Variants in IARS1 observed in about 807,000 individuals in gnomAD.
The protein encoded by IARS1 is isoleucine--tRNA ligase, cytoplasmic.
Under a neutral mutation model 168.2 loss-of-function variants are expected in IARS1, and 124 were observed. The ratio of observed to expected loss-of-function variants is 0.74; its 90% CI spans 0.64 to 0.86. IARS1 has a LOEUF of 0.86. IARS1 is among the 40% of genes least tolerant of loss of function. The probability of loss-of-function intolerance (pLI) is 0.00; values close to 1 mark genes in which losing one functional copy is unlikely to be tolerated. For missense variants in IARS1, 1,452 were observed against 1,515.8 expected, an observed-to-expected ratio of 0.96 and a Z score of 0.70; for synonymous variants, 532 against 529.4, an observed-to-expected ratio of 1.00 and a Z score of -0.07.
Position 92,287,929 on chromosome 9 carries a change from A to G in IARS1, c.277-19T>C, listed in dbSNP as rs1167670140. 2 of 1,613,370 alleles carry G rather than the reference A, an allele frequency of 1.2e-6. No individual in the cohort carries two copies. The highest frequency in any genetic ancestry group is 1.7e-5 in the Admixed American group (1 of 59,832). ...CATATTCCTGAAAATTTGTGATAAG[A>G]CTGTTACCACGCTGCCCTATGAAAA... On this transcript the variant is annotated intron_variant, in intron 3 of 33. Coordinates refer to ENST00000443024, the MANE Select transcript of IARS1 (RefSeq NM_002161.6).
intron 4 of IARS1, chr9:92,287,580 C>CAAGA: frequency 2.5e-6 from 1 of 407,372 alleles, no homozygotes; most frequent in African/African-American, 2.1e-5. Context: ...GGTGATCATG[C>CAAGA]AAGAAAGTTA....
In IARS1 at chr9:92,247,536, T is replaced by C. The variant is rs1296153343; in HGVS notation, c.2632A>G (p.Lys878Glu). The C allele has an allele frequency of 6.2e-7, 1 of 1,613,282 alleles. No homozygotes were observed. The highest frequency in any genetic ancestry group is 8.5e-7 in the Non-Finnish European group (1 of 1,179,838). The change falls in exon 26 of 34, where the codon AAA becomes GAA. Residue 878 changes from lysine (K) to glutamate (E), a missense_variant. Transcript: ENST00000443024. ...TTTTTATCTGTAGACAGTGTAACTT[T>C]TCGAACATTGAGTTCCTACAGTTAA... ...KYIIEELNVR[K>E]VTLSTDKNKY...
chr9:92,271,356 T>A (rs1833002235), intron 11 of IARS1, among the ~76,000 whole-genome samples, 177 bp downstream of exon 11: 1 of 152,178 alleles, frequency 6.6e-6, no homozygotes, highest in African/African-American at 2.4e-5. Context: ...TCAGCATGCA[T>A]CCTCTAAAGA....
chr9:92,229,129 A>C lies in IARS1; in HGVS notation c.3284-3T>G. On this transcript the variant is annotated splice_polypyrimidine_tract_variant and splice_region_variant and intron_variant, in intron 30 of 33. Coordinates refer to ENST00000443024, the MANE Select transcript of IARS1 (RefSeq NM_002161.6). ...ATTTTCCAGGAGCAATACTCCACCTAAAAAGCCACAAAAATAACACCTCAA... is the reference window on the plus strand; with the variant it reads ...ATTTTCCAGGAGCAATACTCCACCTCAAAAGCCACAAAAATAACACCTCAA... 6.2e-7 allele frequency: 1 copy of C among 1,610,138 alleles called. No homozygotes were observed. Among genetic ancestry groups the C allele is most frequent in the Non-Finnish European group, 8.5e-7 (1 of 1,178,504 alleles).
chr9:92,213,925 C>T (rs887126198), intron 33 of IARS1, among the ~76,000 whole-genome samples: 4 of 152,050 alleles, frequency 2.6e-5, no homozygotes, highest in African/African-American at 9.7e-5. Flanking sequence ...GATTCTCCTG[C>T]CTCAGCCTCC....
chr9:92,223,727 A>C (rs1386614059), intron 31 of IARS1, among the ~76,000 whole-genome samples: 1 of 152,200 alleles, frequency 6.6e-6, no homozygotes, highest in Admixed American at 6.5e-5. Context: ...TATAGGGCTA[A>C]TTGTTTTCTC....
intron 21 of IARS1, chr9:92,252,439 A>G: frequency 2.0e-6 from 1 of 506,784 alleles, no homozygotes. Flanking sequence ...ATGAAATTAC[A>G]GTTGTGTTGC....
chr9:92,291,977 A>C (rs1464164533), intron 1 of IARS1, among the ~76,000 whole-genome samples: 1 of 151,748 alleles, frequency 6.6e-6, no homozygotes, highest in Non-Finnish European at 1.5e-5. Flanking sequence ...TTTATTTTTG[A>C]GAAAATAAGA....
intron 30 of IARS1, among the ~76,000 whole-genome samples, chr9:92,236,773 C>T (rs1827601098): frequency 6.6e-6 from 1 of 152,210 alleles, no homozygotes; most frequent in African/African-American, 2.4e-5. Flanking sequence ...CACTTGAACC[C>T]AGGAGGTGGA....
At chr9:92,232,320 T>C (rs1173013105) in intron 30 of IARS1, among the ~76,000 whole-genome samples, 1 of 151,800 alleles carries the variant, frequency 6.6e-6, no homozygotes, top group Non-Finnish European at 1.5e-5. Context: ...GGAACATAAA[T>C]TATACTACAA....
intron 17 of IARS1, among the ~76,000 whole-genome samples, chr9:92,262,282 C>CA (rs1831635271): frequency 6.6e-6 from 1 of 151,974 alleles, no homozygotes; most frequent in South Asian, 2.1e-4. Context: ...TGGGGCCTGG[C>CA]AAAAAATAAG....
intron 27 of IARS1, among the ~76,000 whole-genome samples, chr9:92,244,370 C>T (rs558804987): frequency 2.6e-5 from 4 of 152,122 alleles, no homozygotes; most frequent in Non-Finnish European, 5.9e-5. Context: ...CTCTACCTTC[C>T]CCTGCACATG....
At chr9:92,236,869 A>G (rs1341137365) in intron 30 of IARS1, among the ~76,000 whole-genome samples, 2 of 152,192 alleles carry the variant, frequency 1.3e-5, no homozygotes, top group Admixed American at 6.5e-5. Context: ...ATGGAGATTT[A>G]TTCATAGTAT....
chr9:92,263,069 C>G lies in IARS1; in HGVS notation c.1701-14G>C. ...AGGGTATAAAACCTGAAAAAAAACC[C>G]CAAACAGTTCAATAAAAATAGAAAT... On this transcript the variant is annotated splice_polypyrimidine_tract_variant and intron_variant, in intron 16 of 33. Transcript: ENST00000443024. 2 of 1,570,312 alleles carry G rather than the reference C, an allele frequency of 1.3e-6. No homozygotes were observed. Among genetic ancestry groups the G allele is most frequent in the Non-Finnish European group, 1.8e-6 (2 of 1,141,300 alleles).
chr9:92,245,290 C>A (rs1433231563), intron 26 of IARS1, among the ~76,000 whole-genome samples: 1 of 152,184 alleles, frequency 6.6e-6, no homozygotes, highest in African/African-American at 2.4e-5. Context: ...TAAGTCATCA[C>A]CAGTATCTAC....
chr9:92,220,139 A>C (rs1352879875), intron 33 of IARS1, among the ~76,000 whole-genome samples: 1 of 149,678 alleles, frequency 6.7e-6, no homozygotes, highest in Non-Finnish European at 1.5e-5. Context: ...GAAATTGGAA[A>C]TCATCATTCT....
chr9:92,265,786 T>C (rs1049158955), intron 14 of IARS1, among the ~76,000 whole-genome samples: 8 of 152,060 alleles, frequency 5.3e-5, no homozygotes, highest in Non-Finnish European at 8.8e-5. Flanking sequence ...GCCTCCCAAG[T>C]ACCTGGGGCT....
At chr9:92,227,660 G>A (rs1002570118) in intron 31 of IARS1, among the ~76,000 whole-genome samples, 5 of 151,874 alleles carry the variant, frequency 3.3e-5, no homozygotes, top group South Asian at 2.1e-4. Flanking sequence ...CTTCTCAGAC[G>A]GGGCGGCCGG....
intron 20 of IARS1, 53 bp from the exon 21 acceptor site, chr9:92,253,506 G>C: frequency 8.6e-7 from 1 of 1,159,544 alleles, no homozygotes; most frequent in South Asian, 1.2e-5. Flanking sequence ...GGCATCTGGG[G>C]TGGGGAGAGG....
Sources: gnomAD v4.1 joint callset for allele counts (sites outside exome capture counted in the v4.1 genomes callset) on GRCh38, gnomAD v4.1.1 for gene constraint, MANE v1.5 for transcripts, NCBI Gene and HGNC (gene_info 2026-07-23, HGNC 2026-07-21) for gene names.